The following AGBL4 variants were observed in gnomAD, a reference collection of about 807,000 sequenced individuals.
The protein encoded by AGBL4 is AGBL carboxypeptidase 4, also known as cytosolic carboxypeptidase 6.
AGBL4 carries 58 observed loss-of-function variants against 66.4 expected under a neutral mutation model. The observed-to-expected ratio is 0.87, with a 90% CI of 0.71 to 1.09. The LOEUF is 1.09. Among genes scored for constraint, AGBL4 ranks in the 50% least tolerant of loss-of-function variants. The pLI is 0.00. For missense variants in AGBL4, 579 were observed against 631.0 expected (o/e 0.92, Z 0.88); for synonymous variants, 234 against 222.9 (o/e 1.05, Z -0.44).
intron 5 of AGBL4, among the ~76,000 whole-genome samples, chr1:48,896,929 G>A (rs1286644372): frequency 6.6e-6 from 1 of 152,130 alleles, no homozygotes; most frequent in Admixed American, 6.5e-5. Context: ...GGTTTCACAG[G>A]CTAAGTGCAC....
rs191233029 is a variant in AGBL4, at chr1:49,471,586, T to C, written c.283-225722A>G. On this transcript the variant is annotated intron_variant, in intron 3 of 13. Coordinates refer to ENST00000371839, the MANE Select transcript of AGBL4 (RefSeq NM_032785.4). ...ATGGTGGTCAGTTCCATGGGTTTTCTTTTTGCCTCAAAGATGCAAGAATGG... is the reference window on the plus strand; with the variant it reads ...ATGGTGGTCAGTTCCATGGGTTTTCCTTTTGCCTCAAAGATGCAAGAATGG... 3.8e-3 allele frequency among the ~76,000 whole-genome samples: 570 copies of C among 151,876 alleles called. 2 individuals carry two copies. The highest frequency in any genetic ancestry group is 5.9e-3 in the Non-Finnish European group (399 of 67,920).
chr1:49,066,084 G>A (rs1014140686), intron 4 of AGBL4, among the ~76,000 whole-genome samples: 2 of 152,220 alleles, frequency 1.3e-5, no homozygotes, highest in African/African-American at 2.4e-5. Context: ...CCCATGGAGT[G>A]AAGACAAAGG....
intron 2 of AGBL4, among the ~76,000 whole-genome samples, chr1:49,849,043 G>A (rs921247778): frequency 2.0e-5 from 3 of 152,088 alleles, no homozygotes; most frequent in Admixed American, 6.6e-5. Context: ...AAGGTGGGGG[G>A]ATGAGTTCAG....
chr1:49,746,169 C>T (rs1441355110), intron 2 of AGBL4, among the ~76,000 whole-genome samples: 2 of 151,906 alleles, frequency 1.3e-5, no homozygotes, highest in African/African-American at 4.8e-5. Context: ...CAGAAGAATG[C>T]ATTCCTGAAC....
chr1:49,995,665 TTG>T (rs1400145521), intron 1 of AGBL4: 5 of 187,950 alleles, frequency 2.7e-5, no homozygotes, highest in Admixed American at 2.3e-4. Flanking sequence ...TAGGGCAAGC[TTG>T]TATTCTCCCT....
At chr1:49,668,738 T>C (rs1426959781) in intron 3 of AGBL4, among the ~76,000 whole-genome samples, 1 of 152,202 alleles carries the variant, frequency 6.6e-6, no homozygotes, top group African/African-American at 2.4e-5. Context: ...GAAGCACAGT[T>C]ATCAGTCCCT....
chr1:48,664,303 G>A (rs1333100385), intron 6 of AGBL4, among the ~76,000 whole-genome samples: 2 of 152,124 alleles, frequency 1.3e-5, no homozygotes, highest in South Asian at 2.1e-4. Flanking sequence ...TCCCCATGAT[G>A]TCAGGAAAAA....
intron 5 of AGBL4, among the ~76,000 whole-genome samples, chr1:49,008,787 T>A (rs1477416733): frequency 2.0e-5 from 3 of 148,820 alleles, no homozygotes; most frequent in Non-Finnish European, 4.5e-5. Context: ...ACTGGGTACA[T>A]AACGAAATGA....
chr1:49,756,511 C>T (rs1485972145), intron 2 of AGBL4, among the ~76,000 whole-genome samples: 1 of 152,172 alleles, frequency 6.6e-6, no homozygotes, highest in Non-Finnish European at 1.5e-5. Flanking sequence ...AATAAAATGA[C>T]TGATACTTAC....
chr1:49,415,881 C>A (rs1645416185), intron 3 of AGBL4, among the ~76,000 whole-genome samples: 1 of 151,936 alleles, frequency 6.6e-6, no homozygotes, highest in Non-Finnish European at 1.5e-5. Flanking sequence ...TCAAGAAATG[C>A]CAAAACCTGT....
Position 49,499,280 on chromosome 1 carries a change from G to A in AGBL4, c.282+198033C>T, listed in dbSNP as rs377373164. 8.6e-5 allele frequency among the ~76,000 whole-genome samples: 13 copies of A among 151,834 alleles called. 1 individual carries two copies. Among genetic ancestry groups the A allele is most frequent in the African/African-American group, 3.1e-4 (13 of 41,464 alleles). On this transcript the variant is annotated intron_variant, in intron 3 of 13. Transcript: ENST00000371839. ...TCTATTTCTTCATGATTCATTCTTG[G>A]TAGGTTTTATGTGTCTTAAGAATTT...
intron 6 of AGBL4, among the ~76,000 whole-genome samples, chr1:48,672,307 G>A (rs1358195982): frequency 1.3e-5 from 2 of 152,222 alleles, no homozygotes; most frequent in Non-Finnish European, 2.9e-5. Context: ...TTTAGTAGAT[G>A]CCATTGGTTG....
chr1:48,693,314 A>T (rs1290094554), intron 6 of AGBL4, among the ~76,000 whole-genome samples: 1 of 152,202 alleles, frequency 6.6e-6, no homozygotes, highest in African/African-American at 2.4e-5. Context: ...CACCATCAAC[A>T]TGACAGAGAG....
intron 3 of AGBL4, among the ~76,000 whole-genome samples, chr1:49,532,097 A>C (rs1394448143): frequency 6.6e-6 from 1 of 152,102 alleles, no homozygotes; most frequent in African/African-American, 2.4e-5. Context: ...TTGATTTCAC[A>C]GGAAAGAAAT....
intron 3 of AGBL4, among the ~76,000 whole-genome samples, chr1:49,667,925 A>G (rs1356246806): frequency 6.6e-6 from 1 of 152,162 alleles, no homozygotes; most frequent in Non-Finnish European, 1.5e-5. Flanking sequence ...AAATTACTTA[A>G]CCTTTCTGAT....
At chr1:48,748,809 G>A (rs1238404706) in intron 6 of AGBL4, among the ~76,000 whole-genome samples, 1 of 152,130 alleles carries the variant, frequency 6.6e-6, no homozygotes, top group African/African-American at 2.4e-5. Context: ...TCTTGGGGAG[G>A]TGGGGGAGTA....
intron 11 of AGBL4, among the ~76,000 whole-genome samples, chr1:48,572,087 G>C (rs1176367311): frequency 1.3e-5 from 2 of 152,184 alleles, no homozygotes; most frequent in Non-Finnish European, 2.9e-5. Context: ...AGGAGGGAGA[G>C]AGGGAAGGAA....
At chr1:49,864,947 A>G (rs900964535) in intron 1 of AGBL4, among the ~76,000 whole-genome samples, 13 of 152,318 alleles carry the variant, frequency 8.5e-5, no homozygotes, top group Admixed American at 7.8e-4. Context: ...AATTGGACCC[A>G]GGAGGAATTC....
intron 3 of AGBL4, among the ~76,000 whole-genome samples, chr1:49,678,342 T>C (rs1393525403): frequency 6.6e-6 from 1 of 152,088 alleles, no homozygotes; most frequent in African/African-American, 2.4e-5. Flanking sequence ...AATGTGTGTC[T>C]TTTTGTGTTT....
Sources: allele counts gnomAD v4.1 joint callset (sites outside exome capture counted in the v4.1 genomes callset), GRCh38; gene constraint gnomAD v4.1.1; transcripts MANE v1.5; gene names NCBI Gene and HGNC (gene_info 2026-07-23, HGNC 2026-07-21).